Variants in PCDHGA11 observed in about 807,000 individuals in gnomAD.
The protein encoded by PCDHGA11 is protocadherin gamma subfamily A, 11.
A neutral mutation model predicts 60.4 loss-of-function variants in PCDHGA11; 39 were observed. The ratio of observed to expected loss-of-function variants is 0.65; its 90% CI spans 0.50 to 0.84. The LOEUF is 0.84. Among genes scored for constraint, PCDHGA11 ranks in the 40% least tolerant of loss-of-function variants. PCDHGA11 has a pLI of 0.00. For missense variants in PCDHGA11, 1,165 were observed against 1,197.7 expected (o/e 0.97, Z 0.40); for synonymous variants, 533 against 510.3 (o/e 1.04, Z -0.60).
At chr5:141,437,832 G>A (rs929534984) in intron 1 of PCDHGA11, among the ~76,000 whole-genome samples, 2 of 151,794 alleles carry the variant, frequency 1.3e-5, no homozygotes, top group Admixed American at 1.3e-4. Context: ...CTGCCTCCTG[G>A]GTTCATGCTA....
chr5:141,455,580 T>G (rs572453788), intron 1 of PCDHGA11, among the ~76,000 whole-genome samples: 26 of 152,142 alleles, frequency 1.7e-4, no homozygotes, highest in Middle Eastern at 3.2e-3. Context: ...ACCCCAGCCT[T>G]TTAATATGCA....
intron 1 of PCDHGA11, among the ~76,000 whole-genome samples, chr5:141,450,047 C>T (rs2098667027): frequency 2.2e-5 from 3 of 136,836 alleles, no homozygotes; most frequent in African/African-American, 8.5e-5. Flanking sequence ...CACTCTTTCG[C>T]CCAGGCTGGA....
intron 1 of PCDHGA11, among the ~76,000 whole-genome samples, chr5:141,492,118 TC>T (rs1338861093): frequency 6.6e-6 from 1 of 152,176 alleles, no homozygotes; most frequent in Non-Finnish European, 1.5e-5. Flanking sequence ...CTTCGATTTC[TC>T]CCCAGCTCCC....
At position 141,432,143 on chromosome 5, in the gene PCDHGA11, C is replaced by A; in HGVS notation, c.2433+8483C>A. The A allele has an allele frequency of 6.2e-7, 1 of 1,614,084 alleles. No homozygotes were observed. Among genetic ancestry groups the A allele is most frequent in the South Asian group, 1.1e-5 (1 of 91,068 alleles). On this transcript the variant is annotated intron_variant, in intron 1 of 3. Transcript: ENST00000398587. The surrounding 1 kb of genome is among the most constrained non-coding windows in gnomAD (Gnocchi z 6.0). ...TCAGGCCTCCTATTCCGCTTATATC[C>A]CAGAGAACAATCCCAGAGGAGTTTC... is the stretch of plus-strand genomic sequence containing the variant.
intron 2 of PCDHGA11, among the ~76,000 whole-genome samples, chr5:141,503,700 C>G (rs2099828974): frequency 6.6e-6 from 1 of 152,016 alleles, no homozygotes; most frequent in Non-Finnish European, 1.5e-5. Flanking sequence ...GAGATTCCTG[C>G]TTTCCCCTTC....
At position 141,491,067 on chromosome 5, in the gene PCDHGA11, G is replaced by T. The variant is rs752758445; in HGVS notation, c.2434-3740G>T. On this transcript the variant is annotated intron_variant, in intron 1 of 3. Transcript: ENST00000398587. The surrounding 1 kb of genome is among the most constrained non-coding windows in gnomAD (Gnocchi z 6.9). Reference sequence around the variant, plus strand: ...ACAATGCGTGGCTCTCCTACTCACTGTTGCCACAGTCCACAGCCCCAGGAC... The same window carrying T: ...ACAATGCGTGGCTCTCCTACTCACTTTTGCCACAGTCCACAGCCCCAGGAC... 1.2e-6 allele frequency: 2 copies of T among 1,614,200 alleles called. No homozygotes were observed. The highest frequency in any genetic ancestry group is 1.7e-6 in the Non-Finnish European group (2 of 1,180,040).
chr5:141,487,596 A>T lies in PCDHGA11; in HGVS notation c.2434-7211A>T. The stretch of plus-strand genomic sequence containing the variant: ...GTTCGCCCAAGCTGCCCACCCTCTG[A>T]TCTTCTCTATGGGCTAGAGGTGAGA... On this transcript the variant is annotated intron_variant, in intron 1 of 3. Transcript: ENST00000398587. The surrounding 1 kb of genome is among the most constrained non-coding windows in gnomAD (Gnocchi z 5.0). The T allele has an allele frequency of 1.2e-6, 2 of 1,614,108 alleles. No individual in the cohort carries two copies. Among genetic ancestry groups the T allele is most frequent in the Non-Finnish European group, 8.5e-7 (1 of 1,180,024 alleles).
At chr5:141,428,305 G>A (rs751498223) in intron 1 of PCDHGA11, 8 of 694,348 alleles carry the variant, frequency 1.2e-5, no homozygotes, top group African/African-American at 1.8e-5. Flanking sequence ...GATTTACCTG[G>A]TCGTGGCCTT....
Position 141,490,602 on chromosome 5 carries a change from C to G in PCDHGA11, c.2434-4205C>G, listed in dbSNP as rs1249440194. On this transcript the variant is annotated intron_variant, in intron 1 of 3. Transcript: ENST00000398587. This position sits in a 1 kb window ranked among gnomAD's most constrained non-coding sequence, Gnocchi z 5.4. Reference sequence around the variant, plus strand: ...ATGTCAATGACAATGCACCCCGCTTCAACCAGCAGCTTTACACTGCTTACA... The same window carrying G: ...ATGTCAATGACAATGCACCCCGCTTGAACCAGCAGCTTTACACTGCTTACA... The G allele has an allele frequency of 6.2e-7, 1 of 1,614,084 alleles. No individual in the cohort carries two copies. Among genetic ancestry groups the G allele is most frequent in the African/African-American group, 1.3e-5 (1 of 74,930 alleles).
At position 141,422,253 on chromosome 5, in the gene PCDHGA11, T is replaced by C. The variant is rs917280432; in HGVS notation, c.1026T>C (p.Asn342=). 3.7e-5 allele frequency: 58 copies of C among 1,566,438 alleles called. No individual in the cohort carries two copies. Among genetic ancestry groups the C allele is most frequent in the Non-Finnish European group, 5.0e-5 (58 of 1,162,504 alleles). The change falls in exon 1 of 4, where the codon AAT becomes AAC. Residue 342 remains asparagine (N), a synonymous_variant. Transcript: ENST00000398587. ...TGTTGATCACTGTTGTGGATGTGAATGATAACGCTCCAGAAATAACTATCA... is the reference window on the plus strand; with the variant it reads ...TGTTGATCACTGTTGTGGATGTGAACGATAACGCTCCAGAAATAACTATCA... The part of the protein sequence containing the change: ...TTMLITVVDV[N]DNAPEITITS...
chr5:141,465,781 T>G (rs2099109506), intron 1 of PCDHGA11, among the ~76,000 whole-genome samples: 1 of 150,278 alleles, frequency 6.7e-6, no homozygotes, highest in Non-Finnish European at 1.5e-5. Context: ...TTGTTACAGT[T>G]TTTTTTTTTT....
In PCDHGA11 at chr5:141,487,456, G is replaced by A. The variant is rs1041154635; in HGVS notation, c.2434-7351G>A. Reference sequence around the variant, plus strand: ...AGCTAGGGTCAGATGACCCTATCAAGTTTGTTGATGTGGGAGGCCACTCTC... The same window carrying A: ...AGCTAGGGTCAGATGACCCTATCAAATTTGTTGATGTGGGAGGCCACTCTC... On this transcript the variant is annotated intron_variant, in intron 1 of 3. Coordinates refer to ENST00000398587, the MANE Select transcript of PCDHGA11 (RefSeq NM_018914.3). The surrounding 1 kb of genome is among the most constrained non-coding windows in gnomAD (Gnocchi z 5.0). 6.2e-7 allele frequency: 1 copy of A among 1,614,196 alleles called. No individual in the cohort carries two copies. The highest frequency in any genetic ancestry group is 8.5e-7 in the Non-Finnish European group (1 of 1,180,026).
intron 1 of PCDHGA11, among the ~76,000 whole-genome samples, chr5:141,439,459 A>ACTG (rs1234039449): frequency 6.6e-6 from 1 of 152,222 alleles, no homozygotes; most frequent in Non-Finnish European, 1.5e-5. Flanking sequence ...GCAAGACTGC[A>ACTG]CTGCTGCCTT....
intron 1 of PCDHGA11, among the ~76,000 whole-genome samples, chr5:141,433,809 C>A (rs913637407): frequency 5.3e-5 from 8 of 149,948 alleles, no homozygotes; most frequent in Non-Finnish European, 1.2e-4. Flanking sequence ...TGCACTCCAG[C>A]CTGGGCAACA....
intron 1 of PCDHGA11, among the ~76,000 whole-genome samples, chr5:141,434,860 A>G (rs2097723622): frequency 6.6e-6 from 1 of 151,982 alleles, no homozygotes; most frequent in African/African-American, 2.4e-5. Flanking sequence ...ATAAATTTAT[A>G]TATATGTGAC....
rs530404769 is a variant in PCDHGA11, at chr5:141,423,267, G to C, written c.2040G>C (p.Glu680Asp). Residue 680 changes from glutamate to aspartate, a missense_variant, in exon 1 of 4, where the codon GAG becomes GAC. Coordinates refer to ENST00000398587, the MANE Select transcript of PCDHGA11 (RefSeq NM_018914.3). ...TCCTGGCGGACCTCGGCAGCCTCGA[G>C]TCTCTGGCTAACTCTGAAACCTCAG... ...PEVLADLGSL[E>D]SLANSETSDL... The C allele has an allele frequency of 2.5e-6, 4 of 1,613,710 alleles. No individual in the cohort carries two copies. In the South Asian group the frequency reaches 4.4e-5, roughly 18 times the overall value.
intron 1 of PCDHGA11, among the ~76,000 whole-genome samples, chr5:141,443,764 C>A (rs1351060316): frequency 6.6e-6 from 1 of 151,708 alleles, no homozygotes; most frequent in Non-Finnish European, 1.5e-5. Flanking sequence ...TTACAATATA[C>A]AATATTACCA....
intron 3 of PCDHGA11, among the ~76,000 whole-genome samples, chr5:141,509,722 C>A (rs919655821): frequency 5.9e-5 from 9 of 152,140 alleles, no homozygotes; most frequent in African/African-American, 2.2e-4. Flanking sequence ...CTGATGTCAC[C>A]TAGCTGTGGC....
rs554845172 is a variant in PCDHGA11 at position 141,485,584 on chromosome 5, G to A, written c.2434-9223G>A. Reference sequence around the variant, plus strand: ...ACGCCCCCCGTTTTCCGCGGCAGCAGCTGGACTTGGAAATTGGGGAGGCAG... The same window carrying A: ...ACGCCCCCCGTTTTCCGCGGCAGCAACTGGACTTGGAAATTGGGGAGGCAG... On this transcript the variant is annotated intron_variant, in intron 1 of 3. Transcript: ENST00000398587. The surrounding 1 kb of genome is among the most constrained non-coding windows in gnomAD (Gnocchi z 5.7). The A allele has an allele frequency of 2.9e-5, 46 of 1,612,498 alleles. 1 individual carries two copies. The South Asian group carries it at 4.5e-4, about 16-fold the overall frequency.
Sources: gnomAD v4.1 joint callset for allele counts (sites outside exome capture counted in the v4.1 genomes callset) on GRCh38, gnomAD v4.1.1 for gene constraint, Gnocchi (gnomAD v3.1) non-coding constraint, MANE v1.5 for transcripts, NCBI Gene and HGNC (gene_info 2026-07-23, HGNC 2026-07-21) for gene names.